Variants in ASB3 observed in about 807,000 individuals in gnomAD.
The protein encoded by ASB3 is ankyrin repeat and SOCS box protein 3.
Under a neutral mutation model 54.5 loss-of-function variants are expected in ASB3, and 41 were observed. The observed-to-expected ratio is 0.75, with a 90% CI of 0.59 to 0.98. The LOEUF (loss-of-function observed/expected upper bound fraction) is 0.98. Ranked by LOEUF, ASB3 falls within the 50% of genes least tolerant of loss-of-function variation. The probability of loss-of-function intolerance (pLI) is 0.00; values close to 1 mark genes in which losing one functional copy is unlikely to be tolerated. For missense variants in ASB3, 733 were observed against 620.0 expected (o/e 1.18, Z -1.94); for synonymous variants, 266 against 221.2 (o/e 1.20, Z -1.80).
intron 2 of ASB3, among the ~76,000 whole-genome samples, chr2:53,761,748 T>G (rs1673160581): frequency 1.3e-5 from 2 of 152,228 alleles, no homozygotes; most frequent in African/African-American, 4.8e-5. Flanking sequence ...CTCTTGTCTA[T>G]CTATATATAT....
At chr2:53,770,021 C>T (rs17045215) in intron 1 of ASB3, among the ~76,000 whole-genome samples, 1 of 152,138 alleles carries the variant, frequency 6.6e-6, no homozygotes, top group East Asian at 1.9e-4. Context: ...ATCTTCTCCA[C>T]AGCACACAGT....
chr2:53,698,623 C>T (rs138549235), intron 8 of ASB3, among the ~76,000 whole-genome samples: 1 of 152,216 alleles, frequency 6.6e-6, no homozygotes, highest in African/African-American at 2.4e-5. Flanking sequence ...AGACACAGTT[C>T]ATCCCAGTTC....
At chr2:53,773,312 C>T (rs76450804) in intron 1 of ASB3, among the ~76,000 whole-genome samples, 1 of 150,082 alleles carries the variant, frequency 6.7e-6, no homozygotes, top group African/African-American at 2.5e-5. Context: ...GATAAAATAT[C>T]TTGCTGTGCC....
intron 7 of ASB3, among the ~76,000 whole-genome samples, chr2:53,701,549 T>C (rs1157361913): frequency 3.3e-5 from 5 of 152,208 alleles, no homozygotes; most frequent in African/African-American, 4.8e-5. Flanking sequence ...GAGCCAGATC[T>C]ATGTTTTCCA....
At chr2:53,761,929 T>C (rs766250332) in intron 2 of ASB3, among the ~76,000 whole-genome samples, 4 of 152,180 alleles carry the variant, frequency 2.6e-5, no homozygotes, top group East Asian at 1.9e-4. Context: ...AAAATATCTA[T>C]CAATAGAAGA....
intron 1 of ASB3, chr2:53,767,857 C>G (rs1056747109): frequency 6.3e-7 from 1 of 1,586,174 alleles, no homozygotes; most frequent in Non-Finnish European, 8.6e-7. Context: ...CTAGGGTTCA[C>G]GGCCACTGGG....
intron 3 of ASB3, among the ~76,000 whole-genome samples, chr2:53,739,271 C>T (rs1359708074): frequency 6.6e-6 from 1 of 152,016 alleles, no homozygotes; most frequent in Non-Finnish European, 1.5e-5. Context: ...AACTTTTGAC[C>T]AAAATCAACT....
intron 3 of ASB3, among the ~76,000 whole-genome samples, chr2:53,731,870 C>T (rs1006413855): frequency 1.3e-5 from 2 of 152,178 alleles, no homozygotes; most frequent in African/African-American, 4.8e-5. Flanking sequence ...CCAGGGTGGT[C>T]CTGAACTCCT....
intron 3 of ASB3, among the ~76,000 whole-genome samples, chr2:53,747,326 G>A (rs541921263): frequency 2.6e-5 from 4 of 152,070 alleles, no homozygotes; most frequent in African/African-American, 4.8e-5. Context: ...CAGGCAGATC[G>A]CCTGAGGTCA....
intron 5 of ASB3, among the ~76,000 whole-genome samples, chr2:53,720,931 A>G (rs1344139249): frequency 6.6e-6 from 1 of 152,044 alleles, no homozygotes; most frequent in South Asian, 2.1e-4. Context: ...AAATTGGCCA[A>G]CACGATGAAA....
intron 1 of ASB3, among the ~76,000 whole-genome samples, chr2:53,769,189 G>A (rs1236415304): frequency 6.6e-6 from 1 of 152,206 alleles, no homozygotes; most frequent in Non-Finnish European, 1.5e-5. Context: ...AGACATTAAA[G>A]AACTAAGCTA....
At chr2:53,683,801 G>A (rs892700825) in intron 9 of ASB3, among the ~76,000 whole-genome samples, 3 of 151,832 alleles carry the variant, frequency 2.0e-5, no homozygotes, top group Non-Finnish European at 2.9e-5. Flanking sequence ...CTACGGTATC[G>A]GTTATAATGT....
At chr2:53,738,708 G>C (rs1017908857) in intron 3 of ASB3, among the ~76,000 whole-genome samples, 2 of 152,206 alleles carry the variant, frequency 1.3e-5, no homozygotes, top group African/African-American at 4.8e-5. Flanking sequence ...CTTGGAGTAA[G>C]TGTCAAAGAC....
chr2:53,776,172 C>A (rs1674322264), intron 1 of ASB3, among the ~76,000 whole-genome samples: 1 of 152,170 alleles, frequency 6.6e-6, no homozygotes, highest in Non-Finnish European at 1.5e-5. Context: ...CCTACATGTC[C>A]TTTTCATGTT....
chr2:53,681,885 C>T (rs777952638), intron 9 of ASB3, among the ~76,000 whole-genome samples: 6 of 151,896 alleles, frequency 4.0e-5, no homozygotes, highest in African/African-American at 7.3e-5. Flanking sequence ...GCTGGCTGGG[C>T]GCGGTGGCTC....
At chr2:53,785,325 G>A (rs1487673145) in intron 1 of ASB3, among the ~76,000 whole-genome samples, 1 of 151,908 alleles carries the variant, frequency 6.6e-6, no homozygotes, top group Non-Finnish European at 1.5e-5. Flanking sequence ...AATCACTATA[G>A]CCCTAAATGC....
chr2:53,777,976 G>A lies in ASB3; in HGVS notation c.-14+8845C>T, dbSNP rs189987782. On this transcript the variant is annotated intron_variant, in intron 1 of 9. Transcript: ENST00000263634. ...TGCCTGACCAATATGGTGAAACCCC[G>A]TCTCTACCAAAAATACAAAAAAATT... Among the ~76,000 whole-genome samples, 448 of 151,906 alleles carry A rather than the reference G, an allele frequency of 2.9e-3. 3 individuals are homozygous for A. Among genetic ancestry groups the A allele is most frequent in the Non-Finnish European group, 4.9e-3 (330 of 67,960 alleles).
intron 9 of ASB3, among the ~76,000 whole-genome samples, chr2:53,670,905 T>C (rs116175127): frequency 6.6e-6 from 1 of 152,328 alleles, no homozygotes; most frequent in African/African-American, 2.4e-5. Flanking sequence ...TGGCCACACA[T>C]TCAAAGTCAG....
At chr2:53,737,348 A>T (rs1165540457) in intron 3 of ASB3, among the ~76,000 whole-genome samples, 1 of 152,194 alleles carries the variant, frequency 6.6e-6, no homozygotes, top group Non-Finnish European at 1.5e-5. Flanking sequence ...GCTCAAGTGC[A>T]GTAGTAAACT....
Sources: allele counts gnomAD v4.1 joint callset (sites outside exome capture counted in the v4.1 genomes callset), GRCh38; gene constraint gnomAD v4.1.1; transcripts MANE v1.5; gene names NCBI Gene and HGNC (gene_info 2026-07-23, HGNC 2026-07-21).